Variants in TNPO1 observed in about 807,000 individuals in gnomAD.
TNPO1 encodes transportin 1, also known as transportin-1.
TNPO1 carries 8 observed loss-of-function variants against 119.5 expected under a neutral mutation model. The ratio of observed to expected loss-of-function variants is 0.07; its 90% confidence interval spans 0.04 to 0.12. The LOEUF (loss-of-function observed/expected upper bound fraction) is 0.12, where lower values mean the gene tolerates loss of function less well. TNPO1 is among the 10% of genes least tolerant of loss of function. The pLI is 1.00. For missense variants in TNPO1, 576 were observed against 1,089.8 expected (o/e 0.53, Z 6.64); for synonymous variants, 362 against 363.0 (o/e 1.00, Z 0.03).
intron 2 of TNPO1, among the ~76,000 whole-genome samples, chr5:72,849,380 A>G (rs1230301385): frequency 2.6e-5 from 4 of 151,952 alleles, no homozygotes; most frequent in African/African-American, 7.3e-5. Context: ...TAACCTTTTA[A>G]CCCCCGTTTT....
At chr5:72,855,626 C>G in intron 3 of TNPO1, 148 bp from the exon 4 acceptor site, 1 of 672,876 alleles carries the variant, frequency 1.5e-6, no homozygotes, top group Non-Finnish European at 2.5e-6. Context: ...TAGAGCTAAT[C>G]TTTTGTTAAT....
intron 6 of TNPO1, among the ~76,000 whole-genome samples, chr5:72,867,770 GA>G (rs1281576992): frequency 2.6e-5 from 4 of 152,318 alleles, no homozygotes; most frequent in African/African-American, 9.6e-5. Context: ...GCACAGTACT[GA>G]ATGTAGACAT....
rs1441481119 is a variant in TNPO1 at position 72,913,878 on chromosome 5, AATAG to A, written c.*5208_*5211del. ...CAATACTGTATAATTAGTTTTACTT[AATAG>A]ATTATCATCTTGTGAGAAGAGATGT... On this transcript the variant is annotated 3_prime_UTR_variant, in exon 25 of 25. Coordinates refer to ENST00000337273, the MANE Select transcript of TNPO1 (RefSeq NM_002270.4). 5 of 152,658 alleles carry A rather than the reference AATAG, an allele frequency of 3.3e-5. No homozygotes were observed. In the East Asian group the frequency reaches 5.8e-4, roughly 18 times the overall value. 9.5% of individuals were successfully genotyped at this position (152,658 alleles called of 1,614,324 possible).
rs766457400 is a variant in TNPO1 at position 72,900,021 on chromosome 5, G to A, written c.2354G>A (p.Arg785His). ...LLENTAITIG[R>H]LGYVCPQEVA... ...GTTACCTTAGCAATAACAATTGGTC[G>A]TCTTGGTTACGTTTGTCCTCAAGAG... Residue 785 changes from arginine to histidine, a missense_variant, in exon 21 of 25, where the codon CGT becomes CAT. By Grantham distance (29) the Arg-to-His change is conservative. Transcript: ENST00000337273. 6 of 1,613,502 alleles carry A rather than the reference G, an allele frequency of 3.7e-6. No homozygotes were observed. The highest frequency in any genetic ancestry group is 3.3e-5 in the South Asian group (3 of 91,040).
At chr5:72,877,083 A>G in intron 8 of TNPO1, 145 bp from the exon 9 acceptor site, 1 of 412,998 alleles carries the variant, frequency 2.4e-6, no homozygotes. Context: ...CGACAGAGTG[A>G]GACTGCATCT....
chr5:72,818,906 A>G (rs572701179), intron 1 of TNPO1, among the ~76,000 whole-genome samples: 47 of 152,310 alleles, frequency 3.1e-4, no homozygotes, highest in African/African-American at 9.4e-4. Flanking sequence ...AGTTGACCCT[A>G]TTCAGCCATT....
chr5:72,848,692 G>T (rs562971114), intron 2 of TNPO1, among the ~76,000 whole-genome samples, 194 bp downstream of exon 2: 4 of 148,366 alleles, frequency 2.7e-5, no homozygotes, highest in East Asian at 2.0e-4. Flanking sequence ...CGGCCCTGGT[G>T]CCTGGGCCGG....
chr5:72,832,818 T>A (rs1460625588), intron 1 of TNPO1, among the ~76,000 whole-genome samples: 4 of 152,128 alleles, frequency 2.6e-5, no homozygotes, highest in African/African-American at 9.7e-5. Context: ...TGAATTCTGT[T>A]GTCCGTAAAG....
chr5:72,907,647 T>C (rs1429964162), intron 24 of TNPO1, among the ~76,000 whole-genome samples: 4 of 152,162 alleles, frequency 2.6e-5, no homozygotes, highest in Non-Finnish European at 4.4e-5. Context: ...TAAAACTGTT[T>C]AGCATAGAAA....
At chr5:72,844,891 C>T (rs1007413311) in intron 1 of TNPO1, among the ~76,000 whole-genome samples, 5 of 152,304 alleles carry the variant, frequency 3.3e-5, no homozygotes, top group African/African-American at 1.2e-4. Flanking sequence ...ACATGATTCT[C>T]AACTGTAGCA....
chr5:72,866,804 C>T (rs1746941025), intron 6 of TNPO1, among the ~76,000 whole-genome samples: 1 of 152,046 alleles, frequency 6.6e-6, no homozygotes, highest in Admixed American at 6.6e-5. Context: ...GTAATCGATA[C>T]ACCATTGCTG....
intron 6 of TNPO1, among the ~76,000 whole-genome samples, chr5:72,868,727 G>A (rs185255711): frequency 6.6e-6 from 1 of 151,870 alleles, no homozygotes; most frequent in African/African-American, 2.4e-5. Context: ...AGTGTTTGAG[G>A]CTTTTTTCTT....
At chr5:72,831,546 T>C (rs1282895668) in intron 1 of TNPO1, among the ~76,000 whole-genome samples, 1 of 151,998 alleles carries the variant, frequency 6.6e-6, no homozygotes, top group East Asian at 1.9e-4. Context: ...ATTATTAACA[T>C]ATTAAAAATT....
intron 18 of TNPO1, 120 bp downstream of exon 18, chr5:72,893,823 T>C (rs774152166): frequency 2.1e-6 from 2 of 958,572 alleles, no homozygotes; most frequent in Non-Finnish European, 3.2e-6. Context: ...ATGTACACTT[T>C]ATTGGTTAAA....
In TNPO1 at chr5:72,855,109, C is replaced by G. The variant is rs984271471; in HGVS notation, c.206-665C>G. 2.6e-5 allele frequency among the ~76,000 whole-genome samples: 4 copies of G among 152,066 alleles called. No individual in the cohort carries two copies. In the South Asian group the frequency reaches 8.3e-4, roughly 32 times the overall value. On this transcript the variant is annotated intron_variant, in intron 3 of 24. Coordinates refer to ENST00000337273, the MANE Select transcript of TNPO1 (RefSeq NM_002270.4). Reference sequence around the variant, plus strand: ...CTTCTGAGTTCAAGTGATTCTCCTGCCTCCGCCTCCCAAGCAGCTTGGATT... The same window carrying G: ...CTTCTGAGTTCAAGTGATTCTCCTGGCTCCGCCTCCCAAGCAGCTTGGATT...
chr5:72,893,765 G>GT (rs1473230286), intron 18 of TNPO1, 62 bp downstream of exon 18: 7 of 1,440,574 alleles, frequency 4.9e-6, no homozygotes, highest in Non-Finnish European at 6.7e-6. Context: ...CATCAGCTTT[G>GT]TTTTTTTATT....
At position 72,816,672 on chromosome 5, in the gene TNPO1, A is replaced by T; in HGVS notation, c.-66A>T. 3.3e-6 allele frequency: 5 copies of T among 1,500,260 alleles called. No individual in the cohort carries two copies. Among genetic ancestry groups the T allele is most frequent in the Non-Finnish European group, 4.5e-6 (5 of 1,122,736 alleles). 92.9% of individuals were successfully genotyped at this position (1,500,260 alleles called of 1,614,324 possible). On this transcript the variant is annotated 5_prime_UTR_variant, in exon 1 of 25. Coordinates refer to ENST00000337273, the MANE Select transcript of TNPO1 (RefSeq NM_002270.4). ...CCCAGATTCTCTTTGTTCCGCAGCC[A>T]TTTCAGGCCCCGGACAGGAGGCAGT...
At chr5:72,840,379 G>A (rs1311184163) in intron 1 of TNPO1, among the ~76,000 whole-genome samples, 1 of 152,120 alleles carries the variant, frequency 6.6e-6, no homozygotes, top group Non-Finnish European at 1.5e-5. Context: ...ATGAGATCAT[G>A]TATTTAAAGA....
At chr5:72,827,136 G>A (rs1317400994) in intron 1 of TNPO1, among the ~76,000 whole-genome samples, 1 of 152,108 alleles carries the variant, frequency 6.6e-6, no homozygotes, top group East Asian at 1.9e-4. Context: ...GGGGGAAAGA[G>A]CATGCAAAAG....
Sources: gnomAD v4.1 joint callset for allele counts (sites outside exome capture counted in the v4.1 genomes callset) on GRCh38, gnomAD v4.1.1 for gene constraint, MANE v1.5 for transcripts, NCBI Gene and HGNC (gene_info 2026-07-23, HGNC 2026-07-21) for gene names.